Variants in GPR158 observed in about 807,000 individuals in gnomAD.
The protein encoded by GPR158 is metabotropic glycine receptor.
In GPR158, 30 loss-of-function variants were observed where a neutral mutation model predicts 78.2. That is an observed-to-expected ratio of 0.38 (90% CI 0.29 to 0.52). GPR158 has a LOEUF of 0.52. GPR158 is among the 20% of genes least tolerant of loss of function. The probability of loss-of-function intolerance (pLI) is 0.83; values close to 1 mark genes in which losing one functional copy is unlikely to be tolerated. For missense variants in GPR158, 1,463 were observed against 1,523.5 expected, an observed-to-expected ratio of 0.96 and a Z score of 0.66; for synonymous variants, 581 against 591.1, an observed-to-expected ratio of 0.98 and a Z score of 0.25.
chr10:25,321,633 C>A (rs1245615795), intron 2 of GPR158, among the ~76,000 whole-genome samples: 3 of 134,830 alleles, frequency 2.2e-5, no homozygotes, highest in African/African-American at 2.8e-5. Context: ...GCTTATATAA[C>A]CCTCCTTTAA....
At chr10:25,451,281 CATT>C (rs1253326010) in intron 4 of GPR158, among the ~76,000 whole-genome samples, 1 of 152,142 alleles carries the variant, frequency 6.6e-6, no homozygotes, top group Non-Finnish European at 1.5e-5. Flanking sequence ...TGTGTATTTC[CATT>C]AGCATGAAAT....
chr10:25,191,833 G>T (rs1271049027), intron 1 of GPR158, among the ~76,000 whole-genome samples: 1 of 152,072 alleles, frequency 6.6e-6, no homozygotes, highest in East Asian at 1.9e-4. Flanking sequence ...AAATCACTTG[G>T]CTGTATACTC....
At chr10:25,293,846 A>G (rs1854474500) in intron 2 of GPR158, among the ~76,000 whole-genome samples, 1 of 151,738 alleles carries the variant, frequency 6.6e-6, no homozygotes, top group Admixed American at 6.6e-5. Context: ...CCTGGGTTCA[A>G]GTGATTCTCC....
At chr10:25,491,503 C>G (rs1835808593) in intron 5 of GPR158, among the ~76,000 whole-genome samples, 1 of 152,142 alleles carries the variant, frequency 6.6e-6, no homozygotes, top group Admixed American at 6.6e-5. Context: ...GTTTCTGCAG[C>G]TTAGCTTAGT....
intron 2 of GPR158, among the ~76,000 whole-genome samples, chr10:25,334,261 A>G (rs78276822): frequency 0.034 from 5,238 of 152,218 alleles, 138 homozygotes; most frequent in African/African-American, 0.075. Flanking sequence ...GCATTAAACT[A>G]TTCACTTTGT....
At chr10:25,422,992 T>G (rs1834772042) in intron 4 of GPR158, among the ~76,000 whole-genome samples, 1 of 151,918 alleles carries the variant, frequency 6.6e-6, no homozygotes, top group South Asian at 2.1e-4. Flanking sequence ...CTTACAATAA[T>G]AGTTTCCAGT....
chr10:25,551,824 C>T (rs995678914), intron 6 of GPR158, among the ~76,000 whole-genome samples: 6 of 152,128 alleles, frequency 3.9e-5, no homozygotes, highest in African/African-American at 1.4e-4. Flanking sequence ...TAAACTTTCC[C>T]TGCAGGGTAG....
At chr10:25,501,951 A>C (rs1442595357) in intron 5 of GPR158, among the ~76,000 whole-genome samples, 1 of 152,076 alleles carries the variant, frequency 6.6e-6, no homozygotes, top group East Asian at 1.9e-4. Context: ...CAGCACTTGC[A>C]AACTGTTTGT....
At chr10:25,544,244 C>T (rs1028830765) in intron 5 of GPR158, among the ~76,000 whole-genome samples, 2 of 152,048 alleles carry the variant, frequency 1.3e-5, no homozygotes, top group Non-Finnish European at 2.9e-5. Flanking sequence ...GTCTTTATAA[C>T]TATCACTGGC....
At position 25,601,433 on chromosome 10, in the gene GPR158, C is replaced by A. The variant is rs951615414; in HGVS notation, c.*2159C>A. On this transcript the variant is annotated 3_prime_UTR_variant, in exon 11 of 11. Transcript: ENST00000376351. The stretch of plus-strand genomic sequence containing the variant: ...TGAACTGGGTTGGAAGTTCCTAGAC[C>A]CACATATTTGTTTCATTTATGTCTG... The A allele has an allele frequency of 6.5e-6, 1 of 152,696 alleles. No individual in the cohort carries two copies. The highest frequency in any genetic ancestry group is 1.9e-4 in the East Asian group (1 of 5,186). The allele number at this position is 152,696 out of a possible 1,614,324, so 9.5% of individuals were successfully genotyped here. A position where few individuals can be genotyped will look rare whatever the true frequency, so the allele number is the denominator to read the frequency against.
intron 1 of GPR158, among the ~76,000 whole-genome samples, chr10:25,213,394 A>AT (rs1245112371): frequency 6.6e-6 from 1 of 152,086 alleles, no homozygotes; most frequent in Non-Finnish European, 1.5e-5. Flanking sequence ...GATTAAAATA[A>AT]TTTTTTCTCA....
At chr10:25,580,954 G>A (rs1474245400) in intron 7 of GPR158, among the ~76,000 whole-genome samples, 2 of 134,352 alleles carry the variant, frequency 1.5e-5, no homozygotes, top group African/African-American at 2.7e-5. Context: ...GTCTCGCTCT[G>A]TTGCCCAGGC....
At chr10:25,244,354 G>A (rs1234511172) in intron 2 of GPR158, among the ~76,000 whole-genome samples, 2 of 152,190 alleles carry the variant, frequency 1.3e-5, no homozygotes, top group Non-Finnish European at 2.9e-5. Context: ...TAGGACAGGA[G>A]CCACTGCCTT....
intron 2 of GPR158, among the ~76,000 whole-genome samples, chr10:25,285,291 A>ATATGTATG (rs568296952): frequency 0.01 from 1,534 of 151,924 alleles, 22 homozygotes; most frequent in South Asian, 0.057. Context: ...GTATGCATTG[A>ATATGTATG]TATGTATGTA....
At chr10:25,525,464 T>C (rs2130687410) in intron 5 of GPR158, among the ~76,000 whole-genome samples, 1 of 152,336 alleles carries the variant, frequency 6.6e-6, no homozygotes, top group Middle Eastern at 3.4e-3. Flanking sequence ...GAAGTAGTGA[T>C]ACATGCTACA....
intron 5 of GPR158, among the ~76,000 whole-genome samples, chr10:25,540,945 AATAT>A (rs57800341): frequency 0.052 from 4,325 of 82,708 alleles, 94 homozygotes; most frequent in East Asian, 0.094. Flanking sequence ...GTATAATAAA[AATAT>A]ATATATATAT....
intron 2 of GPR158, among the ~76,000 whole-genome samples, chr10:25,294,745 CCTT>C (rs1588781050): frequency 6.8e-6 from 1 of 146,600 alleles, no homozygotes; most frequent in East Asian, 1.9e-4. Context: ...TCAAGAACCT[CCTT>C]CTTTGCCTCC....
chr10:25,280,623 C>T (rs760063000), intron 2 of GPR158, among the ~76,000 whole-genome samples: 4 of 152,186 alleles, frequency 2.6e-5, no homozygotes, highest in African/African-American at 4.8e-5. Flanking sequence ...TTGGACTCTG[C>T]AGTCTCAAAT....
At chr10:25,372,663 A>T (rs867954776) in intron 2 of GPR158, among the ~76,000 whole-genome samples, 2,230 of 134,068 alleles carry the variant, frequency 0.017, 24 homozygotes, top group South Asian at 0.046. Context: ...AACAATGAGA[A>T]CACATGGACA....
Sources: gnomAD v4.1 joint callset for allele counts (sites outside exome capture counted in the v4.1 genomes callset) on GRCh38, gnomAD v4.1.1 for gene constraint, MANE v1.5 for transcripts, NCBI Gene and HGNC (gene_info 2026-07-23, HGNC 2026-07-21) for gene names.